Variants in PACS2 observed in about 807,000 individuals in gnomAD.
PACS2 encodes phosphofurin acidic cluster sorting protein 2.
PACS2 carries 36 observed loss-of-function variants against 113.0 expected under a neutral mutation model. The observed-to-expected ratio is 0.32, with a 90% CI of 0.24 to 0.42. The LOEUF (loss-of-function observed/expected upper bound fraction) is 0.42, where lower values mean the gene tolerates loss of function less well. Ranked by LOEUF, PACS2 falls within the 10% of genes least tolerant of loss-of-function variation. The probability of loss-of-function intolerance (pLI) is 1.00; values close to 1 mark genes in which losing one functional copy is unlikely to be tolerated. For synonymous variants in PACS2, 589 were observed against 536.1 expected, an observed-to-expected ratio of 1.10 and a Z score of -1.36; for missense variants, 1,015 against 1,239.5, an observed-to-expected ratio of 0.82 and a Z score of 2.72.
chr14:105,392,072 G>C, intron 22 of PACS2: 1 of 439,684 alleles, frequency 2.3e-6, no homozygotes, highest in Non-Finnish European at 4.0e-6. Flanking sequence ...GAGGGCAGAA[G>C]GTGCAAGAGA....
At chr14:105,307,037 A>C (rs201039478) in intron 1 of PACS2, among the ~76,000 whole-genome samples, 3 of 149,898 alleles carry the variant, frequency 2.0e-5, no homozygotes, top group East Asian at 2.0e-4. Flanking sequence ...TATTTACTTT[A>C]TTTTTTCTTT....
At chr14:105,386,886 C>A (rs2081194262) in intron 19 of PACS2, among the ~76,000 whole-genome samples, 1 of 152,198 alleles carries the variant, frequency 6.6e-6, no homozygotes, top group Non-Finnish European at 1.5e-5. Flanking sequence ...GCAGCCTCCG[C>A]CCTTGCCCCC....
rs782422954 is a variant in PACS2, at chr14:105,368,505, G to A, written c.707G>A (p.Arg236Gln). 50 of 1,613,960 alleles carry A rather than the reference G, an allele frequency of 3.1e-5. No individual in the cohort carries two copies. Among genetic ancestry groups the A allele is most frequent in the Middle Eastern group, 3.3e-4 (2 of 6,084 alleles). Residue 236 changes from arginine (R) to glutamine (Q), a missense_variant, in exon 7 of 25, where the codon CGG (arginine) becomes CAG (glutamine). Physicochemically the swap from Arg to Gln is conservative, Grantham distance 43. Around this residue, in one of 3 missense-constraint regions of PACS2, gnomAD observed 859 missense variants for 1,056.8 expected, o/e 0.81. Coordinates refer to ENST00000447393, the MANE Select transcript of PACS2 (RefSeq NM_001100913.3). Reference sequence around the variant, plus strand: ...GACGTGGGGAAGCCGAAGAAGCAGCGGAGATCGATTGTAAGAACGACGTCC... The same window carrying A: ...GACGTGGGGAAGCCGAAGAAGCAGCAGAGATCGATTGTAAGAACGACGTCC... ...DFDVGKPKKQ[R>Q]RSIVRTTSMT...
In PACS2 at chr14:105,382,587, G is replaced by A. The variant is rs370156226; in HGVS notation, c.1518+6G>A. ...CCTCGGACTGGCAGGGGCAGGTAGA[G>A]GGGCAGTCTCTTGGAGTGGAGGGTC... On this transcript the variant is annotated splice_donor_region_variant and intron_variant, in intron 14 of 24. Coordinates refer to ENST00000447393, the MANE Select transcript of PACS2 (RefSeq NM_001100913.3). 6.6e-5 allele frequency: 104 copies of A among 1,563,912 alleles called. No individual in the cohort carries two copies. Among genetic ancestry groups the A allele is most frequent in the Non-Finnish European group, 8.4e-5 (95 of 1,135,348 alleles).
chr14:105,323,061 G>A lies in PACS2; in HGVS notation c.119+8024G>A, dbSNP rs587687444. Among the ~76,000 whole-genome samples the A allele has an allele frequency of 4.6e-5, 7 of 152,294 alleles. No individual in the cohort carries two copies. The South Asian group carries it at 1.2e-3, about 27-fold the overall frequency. On this transcript the variant is annotated intron_variant, in intron 1 of 24. Coordinates refer to ENST00000447393, the MANE Select transcript of PACS2 (RefSeq NM_001100913.3). The surrounding 1 kb of genome is among the most constrained non-coding windows in gnomAD (Gnocchi z 4.1). ...CGGCCGTGACAGGCTGGAGGGAGAC[G>A]TCTGGGTGGCTTTGTGGTCATGTCA...
At chr14:105,379,192 G>C (rs1228025433) in intron 9 of PACS2, among the ~76,000 whole-genome samples, 1 of 152,204 alleles carries the variant, frequency 6.6e-6, no homozygotes, top group Non-Finnish European at 1.5e-5. Flanking sequence ...GGGTGGTCCG[G>C]AAAGGCCTGG....
chr14:105,377,220 C>T (rs1184401261), intron 9 of PACS2, among the ~76,000 whole-genome samples: 1 of 152,094 alleles, frequency 6.6e-6, no homozygotes, highest in Admixed American at 6.5e-5. Flanking sequence ...GGGTGTGGCA[C>T]CCCGTTGTAG....
At chr14:105,367,018 T>C (rs1555408080) in intron 4 of PACS2, among the ~76,000 whole-genome samples, 195 bp from the exon 5 acceptor site, 1 of 152,148 alleles carries the variant, frequency 6.6e-6, no homozygotes, top group East Asian at 1.9e-4. Flanking sequence ...TGTGTCCTCC[T>C]CTCGTATCTG....
At position 105,355,135 on chromosome 14, in the gene PACS2, G is replaced by A. The variant is rs782345293; in HGVS notation, c.381G>A (p.Leu127=). 2.5e-5 allele frequency: 41 copies of A among 1,613,478 alleles called. No individual in the cohort carries two copies. The South Asian group carries it at 2.9e-4, about 11-fold the overall frequency. The part of the protein sequence containing the change: ...RRKRYKNRTI[L]GYKTLAAGSI... ...AGCGCTACAAGAACAGAACCATCCT[G>A]GGCTACAAGACGCTGGCCGCGGGCT... Residue 127 remains leucine, a synonymous_variant, in exon 4 of 25, where the codon CTG becomes CTA. Coordinates refer to ENST00000447393, the MANE Select transcript of PACS2 (RefSeq NM_001100913.3). The surrounding 1 kb of genome is among the most constrained non-coding windows in gnomAD (Gnocchi z 4.1).
chr14:105,301,630 G>A (rs972757496), intron 1 of PACS2, among the ~76,000 whole-genome samples: 6 of 152,234 alleles, frequency 3.9e-5, no homozygotes, highest in African/African-American at 1.4e-4. Context: ...CCAGGTTCCA[G>A]AGCCTCCCCG....
intron 1 of PACS2, among the ~76,000 whole-genome samples, chr14:105,327,697 T>A (rs185957489): frequency 6.6e-6 from 1 of 152,348 alleles, no homozygotes; most frequent in Admixed American, 6.5e-5. Flanking sequence ...TCGAAGGTTT[T>A]GGAGGTTTCT....
chr14:105,364,018 C>T (rs968040563), intron 4 of PACS2, among the ~76,000 whole-genome samples: 8 of 152,252 alleles, frequency 5.3e-5, no homozygotes, highest in South Asian at 2.1e-4. Flanking sequence ...GGGTGATGTT[C>T]GTGGTGCCCC....
chr14:105,390,008 G>A lies in PACS2; in HGVS notation c.2076+5G>A. 1 of 1,613,438 alleles carries A rather than the reference G, an allele frequency of 6.2e-7. No individual in the cohort carries two copies. Among genetic ancestry groups the A allele is most frequent in the South Asian group, 1.1e-5 (1 of 91,078 alleles). Reference sequence around the variant, plus strand: ...AAGTTCATTCCCTTTGTCGGGGTGAGTACTGGCCAGCTTTATGTGATGGGA... The same window carrying A: ...AAGTTCATTCCCTTTGTCGGGGTGAATACTGGCCAGCTTTATGTGATGGGA... On this transcript the variant is annotated splice_donor_5th_base_variant and intron_variant, in intron 20 of 24. Transcript: ENST00000447393.
intron 1 of PACS2, among the ~76,000 whole-genome samples, chr14:105,301,531 C>CT (rs2140609598): frequency 6.6e-6 from 1 of 152,270 alleles, no homozygotes; most frequent in African/African-American, 2.4e-5. Context: ...GGCAGCTGCG[C>CT]TGGGGGGCCT....
rs2058566053 is a variant in PACS2, at chr14:105,315,595, A to G, written c.119+558A>G. ...TCTCATTTAGAGGCGTCGCCAAGCC[A>G]GTACTGCTATTTGCGCCTCCCAGTT... On this transcript the variant is annotated intron_variant, in intron 1 of 24. Transcript: ENST00000447393. This position sits in a 1 kb window ranked among gnomAD's most constrained non-coding sequence, Gnocchi z 4.4. 6.6e-6 allele frequency: 1 copy of G among 152,298 alleles called. No homozygotes were observed. The allele number at this position is 152,298 out of a possible 1,614,324, so 9.4% of individuals were successfully genotyped here. A position where few individuals can be genotyped will look rare whatever the true frequency, so the allele number is the denominator to read the frequency against.
Position 105,391,696 on chromosome 14 carries a change from C to T in PACS2, c.2185C>T (p.Pro729Ser). ...TLSSTPPSAS[P>S]AAKEASPTPP... The stretch of plus-strand genomic sequence containing the variant: ...CTCCTCCACCCCGCCGTCCGCATCT[C>T]CTGCGGCCAAGGAGGCCTCACCCAC... Residue 729 changes from proline (P) to serine (S), a missense_variant, in exon 22 of 25, where the codon CCT (proline) becomes TCT (serine). This residue lies in a region of PACS2 where 859 missense variants were observed against 1,056.8 expected (regional missense o/e 0.81). Coordinates refer to ENST00000447393, the MANE Select transcript of PACS2 (RefSeq NM_001100913.3). The T allele has an allele frequency of 6.2e-7, 1 of 1,606,720 alleles. No homozygotes were observed. Among genetic ancestry groups the T allele is most frequent in the Non-Finnish European group, 8.5e-7 (1 of 1,177,360 alleles).
intron 4 of PACS2, among the ~76,000 whole-genome samples, chr14:105,364,027 C>T (rs2060830191): frequency 6.6e-6 from 1 of 151,998 alleles, no homozygotes; most frequent in African/African-American, 2.4e-5. Flanking sequence ...TCGTGGTGCC[C>T]CAGAGCAGTT....
At position 105,356,911 on chromosome 14, in the gene PACS2, C is replaced by T. The variant is rs1265019181; in HGVS notation, c.423+1734C>T. Among the ~76,000 whole-genome samples the T allele has an allele frequency of 6.8e-6, 1 of 147,550 alleles. No homozygotes were observed. The highest frequency in any genetic ancestry group is 1.5e-5 in the Non-Finnish European group (1 of 67,730). On this transcript the variant is annotated intron_variant, in intron 4 of 24. Transcript: ENST00000447393. The surrounding 1 kb of genome is among the most constrained non-coding windows in gnomAD (Gnocchi z 4.0). Reference sequence around the variant, plus strand: ...CTGATCCCTGCTGGTCCCTGTGTTTCCCATTAGCCATGCAGGCGATGTCCT... The same window carrying T: ...CTGATCCCTGCTGGTCCCTGTGTTTTCCATTAGCCATGCAGGCGATGTCCT...
rs962086539 is a variant in PACS2, at chr14:105,366,262, C to G, written c.424-951C>G. 1.3e-5 allele frequency among the ~76,000 whole-genome samples: 2 copies of G among 152,212 alleles called. No individual in the cohort carries two copies. The highest frequency in any genetic ancestry group is 2.4e-5 in the African/African-American group (1 of 41,458). The stretch of plus-strand genomic sequence containing the variant: ...ACTTGGGAAGCTGAGGCAGGAGAAT[C>G]ACTTGAACCCAGGAGGCGGAGGTTG... On this transcript the variant is annotated intron_variant, in intron 4 of 24. Coordinates refer to ENST00000447393, the MANE Select transcript of PACS2 (RefSeq NM_001100913.3). The surrounding 1 kb of genome is among the most constrained non-coding windows in gnomAD (Gnocchi z 4.3).
Sources: gnomAD v4.1 joint callset for allele counts (sites outside exome capture counted in the v4.1 genomes callset) on GRCh38, gnomAD v4.1.1 for gene constraint, gnomAD v4.1.1 regional missense constraint, Gnocchi (gnomAD v3.1) non-coding constraint, MANE v1.5 for transcripts, NCBI Gene and HGNC (gene_info 2026-07-23, HGNC 2026-07-21) for gene names.